ERBB4: variants seen among roughly 807,000 people sequenced by gnomAD.
ERBB4 encodes the protein erb-b2 receptor tyrosine kinase 4, also known as receptor tyrosine-protein kinase erbB-4.
Under a neutral mutation model 158.0 loss-of-function variants are expected in ERBB4, and 42 were observed. The ratio of observed to expected loss-of-function variants is 0.27; its 90% confidence interval spans 0.21 to 0.34. The LOEUF (loss-of-function observed/expected upper bound fraction) is 0.34. ERBB4 is among the 10% of genes least tolerant of loss of function. The pLI, the probability that ERBB4 is intolerant of heterozygous loss-of-function variation, is 1.00. For missense variants in ERBB4, 1,333 were observed against 1,624.1 expected (o/e 0.82, Z 3.08); for synonymous variants, 583 against 558.7 (o/e 1.04, Z -0.61).
intron 20 of ERBB4, among the ~76,000 whole-genome samples, chr2:211,555,215 C>T (rs1403426388): frequency 4.0e-5 from 6 of 151,730 alleles, no homozygotes; most frequent in South Asian, 2.1e-4. Context: ...GACGGAGTTT[C>T]GCTCTTGTTG....
At chr2:212,284,430 C>T (rs2085881276) in intron 1 of ERBB4, among the ~76,000 whole-genome samples, 2 of 152,034 alleles carry the variant, frequency 1.3e-5, no homozygotes, top group Non-Finnish European at 2.9e-5. Context: ...CTTTTACCAG[C>T]CTAATTTTGT....
chr2:211,890,056 G>A (rs1218336316), intron 3 of ERBB4, among the ~76,000 whole-genome samples: 1 of 93,030 alleles, frequency 1.1e-5, no homozygotes, highest in Non-Finnish European at 2.1e-5. Flanking sequence ...TACAGAGAAT[G>A]CCACAAAGAT....
intron 3 of ERBB4, among the ~76,000 whole-genome samples, chr2:211,936,121 C>A (rs2080315784): frequency 1.3e-5 from 2 of 151,822 alleles, no homozygotes; most frequent in African/African-American, 2.4e-5. Context: ...CCAGTATCAT[C>A]CTATTCAACA....
At chr2:212,173,149 GGTTC>G (rs2125675860) in intron 1 of ERBB4, among the ~76,000 whole-genome samples, 1 of 151,998 alleles carries the variant, frequency 6.6e-6, no homozygotes, top group Non-Finnish European at 1.5e-5. Flanking sequence ...TACCAGACAT[GGTTC>G]TGTATGCCAG....
At chr2:212,478,118 T>G (rs1456003730) in intron 1 of ERBB4, among the ~76,000 whole-genome samples, 3 of 152,178 alleles carry the variant, frequency 2.0e-5, no homozygotes, top group African/African-American at 7.2e-5. Context: ...TTCATTATTC[T>G]GTAATATTCT....
intron 20 of ERBB4, among the ~76,000 whole-genome samples, chr2:211,513,159 A>G (rs1418911691): frequency 1.3e-5 from 2 of 151,934 alleles, no homozygotes; most frequent in Admixed American, 1.3e-4. Flanking sequence ...AAGGAAAAAG[A>G]GAACTGTCAA....
intron 19 of ERBB4, among the ~76,000 whole-genome samples, chr2:211,586,564 C>T (rs986451668): frequency 4.6e-5 from 7 of 152,104 alleles, no homozygotes; most frequent in African/African-American, 7.2e-5. Flanking sequence ...TACTTCTGCC[C>T]ATACGCAATC....
intron 1 of ERBB4, among the ~76,000 whole-genome samples, chr2:212,283,080 GA>G (rs1416534540): frequency 1.3e-5 from 2 of 151,768 alleles, no homozygotes; most frequent in Non-Finnish European, 2.9e-5. Flanking sequence ...TTTCATTAAA[GA>G]ATAAAGCAAT....
chr2:212,159,011 G>A (rs1245738694), intron 1 of ERBB4, among the ~76,000 whole-genome samples: 1 of 151,994 alleles, frequency 6.6e-6, no homozygotes, highest in Non-Finnish European at 1.5e-5. Context: ...TCTACATGAT[G>A]AGTAAATCAT....
intron 16 of ERBB4, among the ~76,000 whole-genome samples, chr2:211,643,350 T>C (rs887499413): frequency 1.4e-4 from 21 of 152,028 alleles, no homozygotes; most frequent in African/African-American, 5.1e-4. Context: ...GATAATAAAA[T>C]GATATACGTT....
intron 1 of ERBB4, among the ~76,000 whole-genome samples, chr2:212,256,965 A>G (rs895940355): frequency 2.0e-5 from 3 of 152,180 alleles, no homozygotes; most frequent in African/African-American, 7.2e-5. Flanking sequence ...CAGGTTTGTT[A>G]CATGGATGTA....
intron 3 of ERBB4, among the ~76,000 whole-genome samples, chr2:211,834,986 A>T (rs779104804): frequency 2.6e-5 from 4 of 152,138 alleles, no homozygotes; most frequent in Non-Finnish European, 5.9e-5. Flanking sequence ...AAAGCTTTAC[A>T]TTCAGTCATA....
chr2:212,386,393 T>C (rs2090675431), intron 1 of ERBB4, among the ~76,000 whole-genome samples: 1 of 151,932 alleles, frequency 6.6e-6, no homozygotes, highest in African/African-American at 2.4e-5. Flanking sequence ...CACAATCATC[T>C]ACTTATGTCC....
At chr2:211,933,375 C>T (rs2080229003) in intron 3 of ERBB4, among the ~76,000 whole-genome samples, 1 of 152,030 alleles carries the variant, frequency 6.6e-6, no homozygotes, top group African/African-American at 2.4e-5. Context: ...ATGTTAAGTA[C>T]TGCTTCATTA....
intron 3 of ERBB4, among the ~76,000 whole-genome samples, chr2:211,886,138 A>G (rs916107204): frequency 6.6e-6 from 1 of 152,186 alleles, no homozygotes; most frequent in Non-Finnish European, 1.5e-5. Flanking sequence ...TCTCTGTCTT[A>G]GATACACTCA....
chr2:211,567,378 G>C (rs189280433), intron 19 of ERBB4, among the ~76,000 whole-genome samples: 2 of 152,278 alleles, frequency 1.3e-5, no homozygotes, highest in Admixed American at 1.3e-4. Context: ...TTTGCTTCCT[G>C]AGAAGGAACT....
Position 211,376,789 on chromosome 2 carries a change from TG to T in ERBB4, c.*6825del, listed in dbSNP as rs1477660679. The stretch of plus-strand genomic sequence containing the variant: ...TCATTTTCATTTGATCTTCTTGTAA[TG>T]GTGCTCAAGAAAGAGATGAACTAGT... On this transcript the variant is annotated 3_prime_UTR_variant, in exon 28 of 28. Coordinates refer to ENST00000342788, the MANE Select transcript of ERBB4 (RefSeq NM_005235.3). 4.3e-6 allele frequency: 1 copy of T among 233,018 alleles called. No homozygotes were observed. The highest frequency in any genetic ancestry group is 8.5e-6 in the Non-Finnish European group (1 of 117,692). 14.4% of individuals were successfully genotyped at this position (233,018 alleles called of 1,614,324 possible).
chr2:211,817,518 A>C (rs558091240), intron 3 of ERBB4, among the ~76,000 whole-genome samples: 1 of 152,322 alleles, frequency 6.6e-6, no homozygotes, highest in East Asian at 1.9e-4. Flanking sequence ...AAAACTTTGA[A>C]AAGGTATCAT....
intron 1 of ERBB4, among the ~76,000 whole-genome samples, chr2:212,479,979 CA>C (rs112549454): frequency 0.062 from 9,346 of 151,294 alleles, 700 homozygotes; most frequent in African/African-American, 0.18. Context: ...TGTTGACAAA[CA>C]AAAAAAAGTC....
Sources: gnomAD v4.1 joint callset for allele counts (sites outside exome capture counted in the v4.1 genomes callset) on GRCh38, gnomAD v4.1.1 for gene constraint, MANE v1.5 for transcripts, NCBI Gene and HGNC (gene_info 2026-07-23, HGNC 2026-07-21) for gene names.